The following THSD7B variants were observed in gnomAD, a reference collection of about 807,000 sequenced individuals.
THSD7B encodes thrombospondin type 1 domain containing 7B.
In THSD7B, 138 loss-of-function variants were observed where a neutral mutation model predicts 213.6. The observed-to-expected ratio is 0.65, with a 90% CI of 0.56 to 0.74. The LOEUF is 0.74. Among genes scored for constraint, THSD7B ranks in the 30% least tolerant of loss-of-function variants. The pLI is 0.00. For synonymous variants in THSD7B, 742 were observed against 687.0 expected (o/e 1.08, Z -1.25); for missense variants, 1,931 against 1,991.5 (o/e 0.97, Z 0.58).
intron 20 of THSD7B, among the ~76,000 whole-genome samples, chr2:137,635,083 C>T (rs1277164885): frequency 6.6e-6 from 1 of 152,020 alleles, no homozygotes; most frequent in African/African-American, 2.4e-5. Context: ...CAGTATTCTC[C>T]AGGGAAAAAG....
In THSD7B at chr2:137,548,027, C is replaced by G. The variant is rs141451808; in HGVS notation, c.3139-15194C>G. ...AGCAAAACTTCCAAAGACCAGATTG[C>G]TTTTAAGGTCACACATGACGTCAGA... On this transcript the variant is annotated intron_variant, in intron 15 of 27. Transcript: ENST00000409968. 3.3e-4 allele frequency among the ~76,000 whole-genome samples: 50 copies of G among 152,054 alleles called. No homozygotes were observed. The East Asian group carries it at 9.5e-3, about 29-fold the overall frequency.
At chr2:137,672,402 T>A (rs1004586176) in intron 27 of THSD7B, among the ~76,000 whole-genome samples, 2 of 152,178 alleles carry the variant, frequency 1.3e-5, no homozygotes, top group South Asian at 2.1e-4. Flanking sequence ...TTTGAGTCAT[T>A]GTGATTTCTT....
chr2:137,495,169 T>G (rs1679531591), intron 15 of THSD7B, among the ~76,000 whole-genome samples: 1 of 152,176 alleles, frequency 6.6e-6, no homozygotes, highest in African/African-American at 2.4e-5. Flanking sequence ...TTTTTTCTAT[T>G]TAGTGGTTCC....
At chr2:137,070,596 T>C (rs376288890) in intron 3 of THSD7B, among the ~76,000 whole-genome samples, 1 of 151,968 alleles carries the variant, frequency 6.6e-6, no homozygotes, top group East Asian at 1.9e-4. Context: ...AGTTTTAGGG[T>C]ACATGTGCAC....
At chr2:136,808,330 A>G (rs1418445153) in intron 1 of THSD7B, among the ~76,000 whole-genome samples, 1 of 152,180 alleles carries the variant, frequency 6.6e-6, no homozygotes, top group Non-Finnish European at 1.5e-5. Context: ...TATGTCATAC[A>G]TTTGTAATTG....
At chr2:137,365,735 GA>G (rs1685392316) in intron 12 of THSD7B, among the ~76,000 whole-genome samples, 1 of 152,138 alleles carries the variant, frequency 6.6e-6, no homozygotes, top group African/African-American at 2.4e-5. Context: ...AAAAAGTCAG[GA>G]AACAACAGAT....
intron 1 of THSD7B, among the ~76,000 whole-genome samples, chr2:136,765,915 G>C (rs1044242390): frequency 2.6e-5 from 4 of 152,236 alleles, no homozygotes; most frequent in Non-Finnish European, 5.9e-5. Flanking sequence ...TGGGCTGCCC[G>C]GGGCGCAGTG....
intron 12 of THSD7B, among the ~76,000 whole-genome samples, chr2:137,381,550 G>A (rs573204233): frequency 6.6e-6 from 1 of 152,290 alleles, no homozygotes; most frequent in South Asian, 2.1e-4. Flanking sequence ...ATGCAGGCCT[G>A]GAGGTCATCA....
At chr2:137,463,276 G>A (rs908938526) in intron 15 of THSD7B, among the ~76,000 whole-genome samples, 3 of 152,196 alleles carry the variant, frequency 2.0e-5, no homozygotes, top group South Asian at 2.1e-4. Flanking sequence ...TTCAGAGCAA[G>A]GAGATACAAC....
chr2:136,840,598 A>G (rs1239003557), intron 1 of THSD7B, among the ~76,000 whole-genome samples: 2 of 152,132 alleles, frequency 1.3e-5, no homozygotes, highest in African/African-American at 4.8e-5. Context: ...GATTGGCAGA[A>G]TATAAGACTG....
At chr2:136,921,462 G>GT (rs5834525) in intron 2 of THSD7B, among the ~76,000 whole-genome samples, 30 of 147,846 alleles carry the variant, frequency 2.0e-4, no homozygotes, top group African/African-American at 7.4e-4. Flanking sequence ...TCATATGCGG[G>GT]TTTTTTTTTT....
chr2:137,196,452 G>A (rs1680765012), intron 7 of THSD7B, among the ~76,000 whole-genome samples: 1 of 129,688 alleles, frequency 7.7e-6, no homozygotes. Context: ...ATGCTACTGT[G>A]CTGCTTAGTT....
intron 14 of THSD7B, among the ~76,000 whole-genome samples, chr2:137,445,499 G>C (rs1042499091): frequency 1.3e-5 from 2 of 151,888 alleles, no homozygotes; most frequent in Non-Finnish European, 2.9e-5. Flanking sequence ...CATGAAATAA[G>C]CCAGACACAG....
intron 3 of THSD7B, among the ~76,000 whole-genome samples, chr2:137,082,654 C>A (rs945268786): frequency 2.0e-5 from 3 of 152,030 alleles, no homozygotes; most frequent in African/African-American, 7.2e-5. Flanking sequence ...TTTCCATTTT[C>A]ATCTCTATAA....
intron 15 of THSD7B, among the ~76,000 whole-genome samples, chr2:137,483,670 T>C (rs1688357873): frequency 1.3e-5 from 2 of 152,156 alleles, no homozygotes. Flanking sequence ...GGGAAGGTTT[T>C]ATAAAAGTAA....
chr2:136,938,249 A>T (rs1449915398), intron 2 of THSD7B, among the ~76,000 whole-genome samples: 1 of 152,196 alleles, frequency 6.6e-6, no homozygotes, highest in Non-Finnish European at 1.5e-5. Flanking sequence ...AGGGGAGTCA[A>T]GTTTGAAAGG....
chr2:137,510,758 G>T (rs1558822169), intron 15 of THSD7B, among the ~76,000 whole-genome samples: 1 of 151,928 alleles, frequency 6.6e-6, no homozygotes, highest in Non-Finnish European at 1.5e-5. Flanking sequence ...CTTTGTATAT[G>T]ATTTGTCATT....
At position 137,667,881 on chromosome 2, in the gene THSD7B, A is replaced by G. The variant is rs1324076223; in HGVS notation, c.4739+20A>G. 1 of 1,539,052 alleles carries G rather than the reference A, an allele frequency of 6.5e-7. No homozygotes were observed. The highest frequency in any genetic ancestry group is 8.8e-7 in the Non-Finnish European group (1 of 1,133,062). On this transcript the variant is annotated intron_variant, in intron 27 of 27. Transcript: ENST00000409968. ...TGTTTGGTAAGTACTAATTAGTAAAAAGTTTATGTTCCGTATTTTTATGGA... is the reference window on the plus strand; with the variant it reads ...TGTTTGGTAAGTACTAATTAGTAAAGAGTTTATGTTCCGTATTTTTATGGA...
At chr2:137,158,260 A>G (rs2104981926) in intron 5 of THSD7B, among the ~76,000 whole-genome samples, 1 of 152,242 alleles carries the variant, frequency 6.6e-6, no homozygotes, top group East Asian at 1.9e-4. Flanking sequence ...GTTCCCCTTT[A>G]CACACAGTTC....
Sources: allele counts gnomAD v4.1 joint callset (sites outside exome capture counted in the v4.1 genomes callset), GRCh38; gene constraint gnomAD v4.1.1; transcripts MANE v1.5; gene names NCBI Gene and HGNC (gene_info 2026-07-23, HGNC 2026-07-21).